The following FAP variants were observed in gnomAD, a reference collection of about 807,000 sequenced individuals.
FAP encodes fibroblast activation protein alpha, also known as prolyl endopeptidase FAP.
FAP carries 110 observed loss-of-function variants against 126.5 expected under a neutral mutation model. The ratio of observed to expected loss-of-function variants is 0.87; its 90% CI spans 0.74 to 1.02. The LOEUF is 1.02. Ranked by LOEUF, FAP falls within the 50% of genes least tolerant of loss-of-function variation. The pLI is 0.00. For missense variants in FAP, 919 were observed against 909.2 expected, an observed-to-expected ratio of 1.01 and a Z score of -0.14; for synonymous variants, 334 against 297.3, an observed-to-expected ratio of 1.12 and a Z score of -1.27.
At chr2:162,221,758 G>A in intron 6 of FAP, 1 of 456,592 alleles carries the variant, frequency 2.2e-6, no homozygotes, top group Non-Finnish European at 4.4e-6. Context: ...GAGGGAGGAT[G>A]CTTTACAAAG....
intron 16 of FAP, 195 bp from the exon 17 acceptor site, chr2:162,194,943 C>T: frequency 1.7e-6 from 1 of 585,742 alleles, no homozygotes; most frequent in Non-Finnish European, 3.1e-6. Flanking sequence ...TCAAAGCCCA[C>T]TCAAAGAACA....
At chr2:162,197,202 C>T (rs537741527) in intron 16 of FAP, among the ~76,000 whole-genome samples, 1 of 152,296 alleles carries the variant, frequency 6.6e-6, no homozygotes, top group South Asian at 2.1e-4. Context: ...AGCAATGTTA[C>T]CTCATATCTA....
Position 162,183,460 on chromosome 2 carries a change from A to T in FAP, c.1823T>A (p.Ile608Lys), listed in dbSNP as rs750895078. ...EDQITAVRKF[I>K]EMGFIDEKRI... ...TTTTTCATCAATGAAACCCATTTCTATGAATTTTCTAAAGTAAAAGAAACA... is the reference window on the plus strand; with the variant it reads ...TTTTTCATCAATGAAACCCATTTCTTTGAATTTTCTAAAGTAAAAGAAACA... The change falls in exon 21 of 26, where the codon ATA (isoleucine) becomes AAA (lysine). Residue 608 changes from isoleucine (I) to lysine (K), a missense_variant. Ile to Lys is a moderately radical substitution (Grantham distance 102). Transcript: ENST00000188790. The T allele has an allele frequency of 6.2e-6, 10 of 1,607,796 alleles. No homozygotes were observed. In the East Asian group the frequency reaches 1.6e-4, roughly 25 times the overall value.
At chr2:162,189,996 T>C (rs1167761048) in intron 17 of FAP, among the ~76,000 whole-genome samples, 1 of 152,006 alleles carries the variant, frequency 6.6e-6, no homozygotes, top group Non-Finnish European at 1.5e-5. Context: ...AGAACACATT[T>C]TGAGCAAAAA....
At chr2:162,194,240 C>T (rs1688154426) in intron 17 of FAP, 1 of 150,092 alleles carries the variant, frequency 6.7e-6, no homozygotes, top group Non-Finnish European at 1.5e-5. Flanking sequence ...GAAGAAGTTA[C>T]ATGTAGAATT....
At chr2:162,176,695 T>G (rs539463865) in intron 21 of FAP, 8 of 152,308 alleles carry the variant, frequency 5.3e-5, no homozygotes, top group Non-Finnish European at 8.8e-5. Flanking sequence ...ATGGTTTTAT[T>G]GGCAAAGTGT....
intron 9 of FAP, among the ~76,000 whole-genome samples, chr2:162,217,435 A>G (rs747659038): frequency 2.0e-5 from 3 of 152,204 alleles, no homozygotes; most frequent in Non-Finnish European, 2.9e-5. Flanking sequence ...GTGAAACTCA[A>G]TAAAAAGAAT....
chr2:162,226,753 C>T (rs1000127007), intron 2 of FAP, 132 bp from the exon 3 acceptor site: 2 of 546,130 alleles, frequency 3.7e-6, no homozygotes, highest in Non-Finnish European at 6.5e-6. Context: ...TTGTTGAACT[C>T]CTATCATCAT....
At chr2:162,176,107 A>G (rs1428817218) in intron 21 of FAP, 1 of 152,166 alleles carries the variant, frequency 6.6e-6, no homozygotes, top group Non-Finnish European at 1.5e-5. Flanking sequence ...AGATCATATC[A>G]TCTTTACCAG....
intron 20 of FAP, among the ~76,000 whole-genome samples, 173 bp downstream of exon 20, chr2:162,187,995 TA>T (rs1687913778): frequency 6.6e-6 from 1 of 152,140 alleles, no homozygotes; most frequent in African/African-American, 2.4e-5. Flanking sequence ...CTCTCTTCCA[TA>T]AATACTTTTT....
intron 2 of FAP, among the ~76,000 whole-genome samples, chr2:162,235,982 C>T (rs891909604): frequency 3.3e-5 from 5 of 152,066 alleles, no homozygotes; most frequent in African/African-American, 1.2e-4. Flanking sequence ...TTGGGGAATT[C>T]CTTCTACTCC....
rs1689217807 is a variant in FAP, at chr2:162,217,967, C to T, written c.762+19G>A. On this transcript the variant is annotated intron_variant, in intron 9 of 25. Transcript: ENST00000188790. ...TGATACCAGGAAAATGAAAGCATCGCTGAAAGTATTCAACATACCTTTGGG... is the reference window on the plus strand; with the variant it reads ...TGATACCAGGAAAATGAAAGCATCGTTGAAAGTATTCAACATACCTTTGGG... 1 of 1,534,402 alleles carries T rather than the reference C, an allele frequency of 6.5e-7. No individual in the cohort carries two copies. The highest frequency in any genetic ancestry group is 1.4e-5 in the African/African-American group (1 of 71,474).
intron 21 of FAP, among the ~76,000 whole-genome samples, chr2:162,179,226 G>A (rs1179009493): frequency 7.0e-6 from 1 of 142,610 alleles, no homozygotes; most frequent in East Asian, 2.1e-4. Flanking sequence ...GTAATACTGT[G>A]TTAAACAAAA....
rs1402880318 is a variant in FAP at position 162,226,600 on chromosome 2, G to A, written c.113C>T (p.Thr38Ile). 2 of 1,588,004 alleles carry A rather than the reference G, an allele frequency of 1.3e-6. No individual in the cohort carries two copies. Among genetic ancestry groups the A allele is most frequent in the Non-Finnish European group, 1.7e-6 (2 of 1,165,012 alleles). ...PSRVHNSEEN[T>I]MRALTLKDIL... ...ATCCTTCAGTGTGAGTGCTCTCATT[G>A]TATTTTCTTCAGAGTTATGAACTTT... is the stretch of plus-strand genomic sequence containing the variant. The change falls in exon 3 of 26, where the codon ACA (threonine) becomes ATA (isoleucine). Residue 38 changes from threonine (T) to isoleucine (I), a missense_variant. Thr to Ile is a moderately conservative substitution (Grantham distance 89, BLOSUM62 -1). Transcript: ENST00000188790.
At position 162,198,166 on chromosome 2, in the gene FAP, A is replaced by G; in HGVS notation, c.1402+591T>C. On this transcript the variant is annotated intron_variant, in intron 16 of 25. Transcript: ENST00000188790. ...TATTACTTATGGTTTGTTATATTTG[A>G]TGCATTACTTACGATGTTTTCCAAA... The G allele has an allele frequency of 3.9e-6, 5 of 1,285,620 alleles. No homozygotes were observed. In the South Asian group the frequency reaches 6.2e-5, roughly 16 times the overall value. 79.6% of individuals were successfully genotyped at this position (1,285,620 alleles called of 1,614,324 possible). A position where few individuals can be genotyped will look rare whatever the true frequency, so the allele number is the denominator to read the frequency against.
At chr2:162,171,181 G>T in intron 25 of FAP, 101 bp from the exon 26 acceptor site, 1 of 773,320 alleles carries the variant, frequency 1.3e-6, no homozygotes, top group East Asian at 2.5e-5. Context: ...TTTCTATTAT[G>T]GGGAAACTGT....
chr2:162,242,020 C>T lies in FAP; in HGVS notation c.91+888G>A, dbSNP rs574808195. 1.6e-4 allele frequency among the ~76,000 whole-genome samples: 25 copies of T among 152,278 alleles called. No individual in the cohort carries two copies. In the South Asian group the frequency reaches 3.1e-3, roughly 19 times the overall value. On this transcript the variant is annotated intron_variant, in intron 2 of 25. Coordinates refer to ENST00000188790, the MANE Select transcript of FAP (RefSeq NM_004460.5). ...TATTTTATTGATCTTCATTTACTAT[C>T]AGTTAACTTTTAACCAAGATATTTC...
At chr2:162,177,419 C>T (rs1167363079) in intron 21 of FAP, among the ~76,000 whole-genome samples, 1 of 152,018 alleles carries the variant, frequency 6.6e-6, no homozygotes, top group African/African-American at 2.4e-5. Context: ...CTCACTTCTC[C>T]CCTTCCTTTC....
At chr2:162,200,867 G>T (rs544209959) in intron 14 of FAP, among the ~76,000 whole-genome samples, 12 of 152,188 alleles carry the variant, frequency 7.9e-5, no homozygotes, top group South Asian at 2.1e-4. Context: ...GATTCATTAT[G>T]AGTCATGCAA....
Sources: gnomAD v4.1 joint callset for allele counts (sites outside exome capture counted in the v4.1 genomes callset) on GRCh38, gnomAD v4.1.1 for gene constraint, MANE v1.5 for transcripts, NCBI Gene and HGNC (gene_info 2026-07-23, HGNC 2026-07-21) for gene names.